The following USP7 variants were observed in gnomAD, a reference collection of about 807,000 sequenced individuals.
The protein encoded by USP7 is ubiquitin specific peptidase 7.
In USP7, 9 loss-of-function variants were observed where a neutral mutation model predicts 162.9. That is an observed-to-expected ratio of 0.06 (90% confidence interval 0.03 to 0.10). The LOEUF (loss-of-function observed/expected upper bound fraction) is 0.10, where lower values mean the gene tolerates loss of function less well. Ranked by LOEUF, USP7 falls within the 10% of genes least tolerant of loss-of-function variation. The probability of loss-of-function intolerance (pLI) is 1.00; values close to 1 mark genes in which losing one functional copy is unlikely to be tolerated. For synonymous variants in USP7, 562 were observed against 475.9 expected (o/e 1.18, Z -2.35); for missense variants, 715 against 1,373.7 (o/e 0.52, Z 7.58).
chr16:8,928,996 G>C (rs1364069653), intron 2 of USP7, among the ~76,000 whole-genome samples: 9 of 140,354 alleles, frequency 6.4e-5, no homozygotes, highest in African/African-American at 2.3e-4. Context: ...GCCATGAGAA[G>C]CTAAGAAGCT....
intron 1 of USP7, chr16:8,962,965 G>A (rs889747205): frequency 8.9e-5 from 20 of 223,746 alleles, no homozygotes; most frequent in South Asian, 1.8e-4. Flanking sequence ...TTGTGCCGCG[G>A]AGGCCCGGCG....
At chr16:8,910,235 C>T (rs573999976) in intron 11 of USP7, among the ~76,000 whole-genome samples, 5 of 152,274 alleles carry the variant, frequency 3.3e-5, no homozygotes, top group African/African-American at 9.6e-5. Flanking sequence ...TTCATCCAAG[C>T]GGGGGCTGGC....
In USP7 at chr16:8,957,857, G is replaced by A. The variant is rs190666987; in HGVS notation, c.79+5350C>T. Among the ~76,000 whole-genome samples the A allele has an allele frequency of 5.2e-4, 79 of 152,164 alleles. 1 individual carries two copies. The highest frequency in any genetic ancestry group is 4.3e-3 in the Admixed American group (66 of 15,282). ...AAGAAATTTTCAGTTATTTATGAAA[G>A]TCTATCAATGTCTTTGTCTGGAAAA... On this transcript the variant is annotated intron_variant, in intron 1 of 30. Coordinates refer to ENST00000344836, the MANE Select transcript of USP7 (RefSeq NM_003470.3).
At chr16:8,956,938 A>C (rs570716896) in intron 1 of USP7, among the ~76,000 whole-genome samples, 1 of 152,030 alleles carries the variant, frequency 6.6e-6, no homozygotes, top group South Asian at 2.1e-4. Flanking sequence ...AGTCGACGCT[A>C]TCTCTCAGGG....
At position 8,895,577 on chromosome 16, in the gene USP7, T is replaced by C. The variant is rs897849736; in HGVS notation, c.2919+65A>G. On this transcript the variant is annotated intron_variant, in intron 27 of 30. Coordinates refer to ENST00000344836, the MANE Select transcript of USP7 (RefSeq NM_003470.3). ...GCTACTTGTACAACTTGCTGTGATA[T>C]TTAAATATGCAGCAGATGGGGCTCA... 2.6e-5 allele frequency: 34 copies of C among 1,324,970 alleles called. No individual in the cohort carries two copies. In the South Asian group the frequency reaches 3.9e-4, roughly 15 times the overall value. The allele number at this position is 1,324,970 out of a possible 1,614,324, so 82.1% of individuals were successfully genotyped here. A position where few individuals can be genotyped will look rare whatever the true frequency, so the allele number is the denominator to read the frequency against.
intron 1 of USP7, among the ~76,000 whole-genome samples, chr16:8,958,008 T>C (rs1394010784): frequency 1.3e-5 from 2 of 152,194 alleles, no homozygotes; most frequent in African/African-American, 2.4e-5. Flanking sequence ...TCAGAGCCAC[T>C]TGCCAGCCAG....
chr16:8,910,860 A>G, intron 10 of USP7, 33 bp from the exon 11 acceptor site: 1 of 1,567,348 alleles, frequency 6.4e-7, no homozygotes, highest in Non-Finnish European at 8.8e-7. Context: ...GTCAAGTGCT[A>G]AAGCTTCATT....
chr16:8,900,727 C>G, intron 20 of USP7, 97 bp from the exon 21 acceptor site: 1 of 838,964 alleles, frequency 1.2e-6, no homozygotes, highest in Non-Finnish European at 1.8e-6. Flanking sequence ...TCTCTACACC[C>G]AATTCTATCC....
intron 1 of USP7, among the ~76,000 whole-genome samples, chr16:8,957,691 A>G (rs1473249249): frequency 1.3e-5 from 2 of 152,022 alleles, no homozygotes; most frequent in Non-Finnish European, 2.9e-5. Context: ...CCGGAAGTTT[A>G]AGGCTGCAGT....
intron 4 of USP7, 68 bp downstream of exon 4, chr16:8,921,089 A>C: frequency 6.6e-7 from 1 of 1,521,380 alleles, no homozygotes; most frequent in Non-Finnish European, 8.8e-7. Flanking sequence ...GACTTGAAAA[A>C]TCAAAAAGTT....
rs181759210 is a variant in USP7, at chr16:8,921,259, T to A, written c.420A>T (p.Ile140=). 6.2e-7 allele frequency: 1 copy of A among 1,614,156 alleles called. No individual in the cohort carries two copies. The highest frequency in any genetic ancestry group is 1.7e-5 in the Admixed American group (1 of 60,032). The change falls in exon 4 of 31, where the codon ATA becomes ATT. Residue 140 remains isoleucine, a synonymous_variant. Coordinates refer to ENST00000344836, the MANE Select transcript of USP7 (RefSeq NM_003470.3). The part of the protein sequence containing the change: ...WSCHAQAVLK[I]INYRDDEKSF... Reference sequence around the variant, plus strand: ...ACTTTTCATCATCTCTGTAATTTATTATCTTCAGCACTGCTTGTGCATGGC... The same window carrying A: ...ACTTTTCATCATCTCTGTAATTTATAATCTTCAGCACTGCTTGTGCATGGC...
At chr16:8,951,049 G>A (rs1260497734) in intron 1 of USP7, among the ~76,000 whole-genome samples, 2 of 152,156 alleles carry the variant, frequency 1.3e-5, no homozygotes, top group Admixed American at 6.6e-5. Flanking sequence ...GAGCAGCAGC[G>A]ACACGCAGAA....
intron 11 of USP7, 76 bp from the exon 12 acceptor site, chr16:8,908,526 A>C: frequency 7.8e-7 from 1 of 1,289,336 alleles, no homozygotes; most frequent in Non-Finnish European, 1.1e-6. Context: ...ACAGCGGTTC[A>C]GCAAGATTGG....
chr16:8,936,511 C>G (rs559765639), intron 1 of USP7: 16 of 1,415,574 alleles, frequency 1.1e-5, no homozygotes, highest in African/African-American at 1.5e-5. Context: ...AGAAGTTTGG[C>G]TGAGACATGT....
chr16:8,939,829 G>C (rs931675174), intron 1 of USP7, among the ~76,000 whole-genome samples: 2 of 152,256 alleles, frequency 1.3e-5, no homozygotes, highest in African/African-American at 4.8e-5. Context: ...GCCGAGCGCA[G>C]TGGCTCACGC....
At position 8,916,488 on chromosome 16, in the gene USP7, T is replaced by C; in HGVS notation, c.906+14A>G. ...TTCATTGTAAGAAATATACAAGTAT[T>C]GCTTGAAACTTACCACTCGACAAAG... is the stretch of plus-strand genomic sequence containing the variant. On this transcript the variant is annotated intron_variant, in intron 8 of 30. Coordinates refer to ENST00000344836, the MANE Select transcript of USP7 (RefSeq NM_003470.3). 1 of 1,605,576 alleles carries C rather than the reference T, an allele frequency of 6.2e-7. No homozygotes were observed. Among genetic ancestry groups the C allele is most frequent in the Non-Finnish European group, 8.5e-7 (1 of 1,177,454 alleles).
At chr16:8,919,166 G>C in intron 5 of USP7, 27 bp from the exon 6 acceptor site, 1 of 1,602,084 alleles carries the variant, frequency 6.2e-7, no homozygotes, top group Non-Finnish European at 8.6e-7. Context: ...AGGTTGAGGG[G>C]ATCTTGCAGA....
chr16:8,936,691 T>C (rs750795213), intron 1 of USP7: 6 of 1,495,022 alleles, frequency 4.0e-6, no homozygotes, highest in Non-Finnish European at 5.3e-6. Flanking sequence ...CTGCATAGAA[T>C]CTCTAGGAGC....
At chr16:8,913,520 A>T (rs1278889696) in intron 10 of USP7, among the ~76,000 whole-genome samples, 1 of 152,052 alleles carries the variant, frequency 6.6e-6, no homozygotes, top group African/African-American at 2.4e-5. Flanking sequence ...AACGTCTAAC[A>T]GACCGAAGGA....
Sources: gnomAD v4.1 joint callset for allele counts (sites outside exome capture counted in the v4.1 genomes callset) on GRCh38, gnomAD v4.1.1 for gene constraint, MANE v1.5 for transcripts, NCBI Gene and HGNC (gene_info 2026-07-23, HGNC 2026-07-21) for gene names.